Variants in ST8SIA1 observed in about 807,000 individuals in gnomAD.
ST8SIA1 encodes alpha-N-acetylneuraminide alpha-2,8-sialyltransferase.
ST8SIA1 carries 16 observed loss-of-function variants against 35.9 expected under a neutral mutation model. The ratio of observed to expected loss-of-function variants is 0.45; its 90% CI spans 0.30 to 0.68. The LOEUF is 0.68. ST8SIA1 is among the 30% of genes least tolerant of loss of function. ST8SIA1 has a pLI of 0.09. For synonymous variants in ST8SIA1, 170 were observed against 169.6 expected (o/e 1.00, Z -0.02); for missense variants, 383 against 453.6 (o/e 0.84, Z 1.41).
chr12:22,223,623 T>C (rs1304455659), intron 4 of ST8SIA1: 1 of 1,134,408 alleles, frequency 8.8e-7, no homozygotes. Context: ...CAGCTGAAGT[T>C]GTGGCTTCTC....
intron 4 of ST8SIA1, among the ~76,000 whole-genome samples, chr12:22,248,037 C>T (rs1483338599): frequency 6.6e-6 from 1 of 152,078 alleles, no homozygotes; most frequent in African/African-American, 2.4e-5. Flanking sequence ...AACAAGCAGT[C>T]TTATCCATTA....
intron 2 of ST8SIA1, chr12:22,286,553 CT>C (rs761904030): frequency 1.9e-6 from 1 of 516,660 alleles, no homozygotes; most frequent in Non-Finnish European, 3.9e-6. Context: ...CTTTTCCCCC[CT>C]CTTGCTGCCT....
At chr12:22,315,208 A>T (rs568406944) in intron 1 of ST8SIA1, among the ~76,000 whole-genome samples, 25 of 146,576 alleles carry the variant, frequency 1.7e-4, no homozygotes, top group East Asian at 1.6e-3. Context: ...CGTTGAATTT[A>T]AAAAAAAAAA....
At chr12:22,204,296 T>C (rs1306984407) in intron 4 of ST8SIA1, among the ~76,000 whole-genome samples, 2 of 152,206 alleles carry the variant, frequency 1.3e-5, no homozygotes, top group South Asian at 2.1e-4. Context: ...AAATCGTGTA[T>C]ATTTAAGGTA....
At chr12:22,223,818 T>C in intron 4 of ST8SIA1, 2 of 1,218,198 alleles carry the variant, frequency 1.6e-6, no homozygotes, top group Non-Finnish European at 2.1e-6. Flanking sequence ...GAATGAATTA[T>C]ATTCCCTGCA....
rs1264386722 is a variant in ST8SIA1 at position 22,199,842 on chromosome 12, TAC to T, written c.*1708_*1709del. 1 of 152,178 alleles carries T rather than the reference TAC, an allele frequency of 6.6e-6. No individual in the cohort carries two copies. The highest frequency in any genetic ancestry group is 2.4e-5 in the African/African-American group (1 of 41,442). The allele number at this position is 152,178 out of a possible 1,614,324, so 9.4% of individuals were successfully genotyped here. On this transcript the variant is annotated 3_prime_UTR_variant, in exon 5 of 5. Coordinates refer to ENST00000396037, the MANE Select transcript of ST8SIA1 (RefSeq NM_003034.4). ...TTAAAATTAAACTAGAACTTTTTGG[TAC>T]AGTTTACCTACAATTTAGTGACATT...
chr12:22,229,379 G>A, intron 4 of ST8SIA1, among the ~76,000 whole-genome samples: 1 of 152,122 alleles, frequency 6.6e-6, no homozygotes, highest in East Asian at 1.9e-4. Context: ...AACTTTGGGA[G>A]GCTGAGGTGG....
intron 2 of ST8SIA1, among the ~76,000 whole-genome samples, chr12:22,281,806 A>G (rs1483848523): frequency 7.1e-6 from 1 of 141,368 alleles, no homozygotes; most frequent in Non-Finnish European, 1.5e-5. Context: ...AACATAACAA[A>G]ACCTTGTCTC....
chr12:22,259,492 G>C (rs949538722), intron 2 of ST8SIA1, among the ~76,000 whole-genome samples: 1 of 149,974 alleles, frequency 6.7e-6, no homozygotes, highest in African/African-American at 2.5e-5. Context: ...TTTTGAGACA[G>C]AGTCTCCCTC....
chr12:22,266,462 T>G (rs1865849644), intron 2 of ST8SIA1, among the ~76,000 whole-genome samples: 1 of 151,046 alleles, frequency 6.6e-6, no homozygotes, highest in Non-Finnish European at 1.5e-5. Context: ...TTATTGTTTC[T>G]CAGACAAGGT....
At chr12:22,236,800 GGAAA>G (rs141138250) in intron 4 of ST8SIA1, among the ~76,000 whole-genome samples, 14 of 152,130 alleles carry the variant, frequency 9.2e-5, no homozygotes, top group Non-Finnish European at 1.9e-4. Context: ...CTTCACAGAG[GGAAA>G]GAAAGAAAGA....
At chr12:22,310,337 G>A (rs1487993770) in intron 1 of ST8SIA1, among the ~76,000 whole-genome samples, 1 of 152,162 alleles carries the variant, frequency 6.6e-6, no homozygotes, top group African/African-American at 2.4e-5. Context: ...ATAGATCCAA[G>A]CCCAGCTGAA....
rs66861803 is a variant in ST8SIA1, at chr12:22,195,212, A to AAAAAAG, written c.*6339_*6340insCTTTTT. 7.9e-6 allele frequency: 1 copy of AAAAAAG among 127,178 alleles called. No homozygotes were observed. The highest frequency in any genetic ancestry group is 1.7e-5 in the Non-Finnish European group (1 of 59,200). The allele number at this position is 127,178 out of a possible 1,614,324, so 7.9% of individuals were successfully genotyped here. On this transcript the variant is annotated 3_prime_UTR_variant, in exon 5 of 5. Transcript: ENST00000396037. ...ACAAAAAAAAAAAAAAAAAAAAAAAAGAAAGAAAGAAAGAAAGGAAAAAGA... is the reference window on the plus strand; with the variant it reads ...ACAAAAAAAAAAAAAAAAAAAAAAAAAAAAAGGAAAGAAAGAAAGAAAGGAAAAAGA...
chr12:22,334,551 T>G lies in ST8SIA1; in HGVS notation c.-319A>C. The stretch of plus-strand genomic sequence containing the variant: ...GCAGAGAGCGGCGGCGGCGAGTCGC[T>G]CCCGCCGGTTCTGCAGCATCACGGT... On this transcript the variant is annotated 5_prime_UTR_variant, in exon 1 of 5. Transcript: ENST00000396037. 5.1e-6 allele frequency: 2 copies of G among 393,894 alleles called. No homozygotes were observed. The highest frequency in any genetic ancestry group is 3.2e-5 in the South Asian group (1 of 31,552). 24.4% of individuals were successfully genotyped at this position (393,894 alleles called of 1,614,324 possible).
chr12:22,275,281 T>C (rs571522121), intron 2 of ST8SIA1, among the ~76,000 whole-genome samples: 5 of 152,162 alleles, frequency 3.3e-5, no homozygotes, highest in Non-Finnish European at 7.3e-5. Context: ...GGGCTGGGCA[T>C]GGTGGCTCAC....
At chr12:22,312,543 T>C (rs979392488) in intron 1 of ST8SIA1, among the ~76,000 whole-genome samples, 1 of 152,104 alleles carries the variant, frequency 6.6e-6, no homozygotes, top group Non-Finnish European at 1.5e-5. Flanking sequence ...ATTCCCACAA[T>C]TGTCGGAAAA....
At chr12:22,213,545 G>A (rs1209166766) in intron 4 of ST8SIA1, among the ~76,000 whole-genome samples, 2 of 152,166 alleles carry the variant, frequency 1.3e-5, no homozygotes, top group African/African-American at 4.8e-5. Context: ...CTATGCAAAC[G>A]GAGTTGAAGG....
intron 3 of ST8SIA1, among the ~76,000 whole-genome samples, 183 bp from the exon 4 acceptor site, chr12:22,249,281 T>G (rs180692829): frequency 6.6e-6 from 1 of 150,580 alleles, no homozygotes; most frequent in African/African-American, 2.4e-5. Context: ...TACAGTGGTG[T>G]GATCTCCGCT....
intron 4 of ST8SIA1, among the ~76,000 whole-genome samples, chr12:22,213,564 A>C (rs772269860): frequency 6.6e-6 from 1 of 152,128 alleles, no homozygotes; most frequent in East Asian, 1.9e-4. Flanking sequence ...GGAGAAGAGC[A>C]CTCTTTGCTG....
Sources: gnomAD v4.1 joint callset for allele counts (sites outside exome capture counted in the v4.1 genomes callset) on GRCh38, gnomAD v4.1.1 for gene constraint, MANE v1.5 for transcripts, NCBI Gene and HGNC (gene_info 2026-07-23, HGNC 2026-07-21) for gene names.